Variants in WNT4 observed in about 807,000 individuals in gnomAD.
WNT4 encodes the protein protein Wnt-4.
In WNT4, 16 loss-of-function variants were observed where a neutral mutation model predicts 34.5. The ratio of observed to expected loss-of-function variants is 0.46; its 90% CI spans 0.31 to 0.70. The LOEUF (loss-of-function observed/expected upper bound fraction) is 0.70. WNT4 is among the 30% of genes least tolerant of loss of function. The pLI is 0.04. For missense variants in WNT4, 379 were observed against 495.9 expected (o/e 0.76, Z 2.24); for synonymous variants, 200 against 211.9 (o/e 0.94, Z 0.49).
chr1:22,138,424 G>C (rs1285978873), intron 1 of WNT4, among the ~76,000 whole-genome samples: 1 of 151,756 alleles, frequency 6.6e-6, no homozygotes. Flanking sequence ...GGGGACATTT[G>C]GCAAAGTCTG....
At chr1:22,135,025 A>T (rs1646011591) in intron 1 of WNT4, among the ~76,000 whole-genome samples, 1 of 151,950 alleles carries the variant, frequency 6.6e-6, no homozygotes, top group East Asian at 1.9e-4. Flanking sequence ...GAGTTTGAGG[A>T]TGTGTTTCCT....
At position 22,122,557 on chromosome 1, in the gene WNT4, G is replaced by A. The variant is rs77906948; in HGVS notation, c.314-981C>T. ...TGTGTGAGCTGGAGTATGCATGGCC[G>A]GCTGGGTGTGTGACCAGACAGCAGA... On this transcript the variant is annotated intron_variant, in intron 2 of 4. Coordinates refer to ENST00000290167, the MANE Select transcript of WNT4 (RefSeq NM_030761.5). Among the ~76,000 whole-genome samples the A allele has an allele frequency of 3.4e-4, 52 of 152,252 alleles. 1 individual carries two copies. The East Asian group carries it at 9.1e-3, about 27-fold the overall frequency.
rs1384729988 is a variant in WNT4 at position 22,137,252 on chromosome 1, G to A, written c.77+5594C>T. 1.3e-5 allele frequency among the ~76,000 whole-genome samples: 2 copies of A among 152,198 alleles called. No homozygotes were observed. The highest frequency in any genetic ancestry group is 2.4e-5 in the African/African-American group (1 of 41,462). ...CCAGGACATGGGGGAGGGGGAGCTG[G>A]TGGGGTCACGGCAGGGAGCGAGCCG... On this transcript the variant is annotated intron_variant, in intron 1 of 4. Transcript: ENST00000290167. This position sits in a 1 kb window ranked among gnomAD's most constrained non-coding sequence, Gnocchi z 5.3.
At chr1:22,121,691 A>C in intron 2 of WNT4, 115 bp from the exon 3 acceptor site, 1 of 1,495,950 alleles carries the variant, frequency 6.7e-7, no homozygotes, top group Non-Finnish European at 9.0e-7. Flanking sequence ...AGGAGGGAGC[A>C]AGACAGGCAG....
rs543334392 is a variant in WNT4, at chr1:22,139,894, C to T, written c.77+2952G>A. The stretch of plus-strand genomic sequence containing the variant: ...GGTGGGAGCCGTCACAAGCTGTCAG[C>T]GGGCTCCTCCGGGTGCCAGACGAGA... On this transcript the variant is annotated intron_variant, in intron 1 of 4. Transcript: ENST00000290167. This position sits in a 1 kb window ranked among gnomAD's most constrained non-coding sequence, Gnocchi z 4.6. Among the ~76,000 whole-genome samples the T allele has an allele frequency of 6.5e-4, 99 of 152,328 alleles. No individual in the cohort carries two copies. The highest frequency in any genetic ancestry group is 2.3e-3 in the African/African-American group (97 of 41,572).
intron 1 of WNT4, among the ~76,000 whole-genome samples, chr1:22,133,449 C>T (rs909530347): frequency 2.6e-5 from 4 of 152,170 alleles, no homozygotes; most frequent in African/African-American, 7.2e-5. Flanking sequence ...CCCAGAGACA[C>T]GTGTGCCATC....
chr1:22,132,261 C>A (rs1444079338), intron 1 of WNT4, among the ~76,000 whole-genome samples: 1 of 152,176 alleles, frequency 6.6e-6, no homozygotes, highest in Non-Finnish European at 1.5e-5. Context: ...CAGAGCTGGC[C>A]CATCCCCAAC....
Position 22,139,215 on chromosome 1 carries a change from C to T in WNT4, c.77+3631G>A, listed in dbSNP as rs190576413. On this transcript the variant is annotated intron_variant, in intron 1 of 4. Coordinates refer to ENST00000290167, the MANE Select transcript of WNT4 (RefSeq NM_030761.5). This position sits in a 1 kb window ranked among gnomAD's most constrained non-coding sequence, Gnocchi z 4.6. ...TCTCCACCACCCCTATCAATAGGGA[C>T]GCAGCCCTGCAGCTCCCTGACAGCA... 4.6e-3 allele frequency among the ~76,000 whole-genome samples: 707 copies of T among 152,290 alleles called. 7 individuals are homozygous for T. Among genetic ancestry groups the T allele is most frequent in the South Asian group, 0.012 (60 of 4,824 alleles).
intron 2 of WNT4, among the ~76,000 whole-genome samples, chr1:22,123,392 C>T (rs1037398528): frequency 6.6e-6 from 1 of 152,160 alleles, no homozygotes; most frequent in Middle Eastern, 3.2e-3. Context: ...ATTCATCCAC[C>T]GAGACTCCAG....
chr1:22,122,546 T>C (rs1645908677), intron 2 of WNT4, among the ~76,000 whole-genome samples: 1 of 151,932 alleles, frequency 6.6e-6, no homozygotes, highest in South Asian at 2.1e-4. Flanking sequence ...TGAGCTGGAG[T>C]ATGCATGGCC....
intron 1 of WNT4, among the ~76,000 whole-genome samples, chr1:22,138,463 A>G (rs576063118): frequency 6.6e-6 from 1 of 151,356 alleles, no homozygotes; most frequent in African/African-American, 2.4e-5. Flanking sequence ...GCTTGGGGGG[A>G]TGTTACTGGC....
chr1:22,139,533 G>C lies in WNT4; in HGVS notation c.77+3313C>G, dbSNP rs1236304298. Reference sequence around the variant, plus strand: ...GTGGTCCCCCTCCCCTCACCCGTGGGATTCTGCTAGAACCCCGCTACCCCA... The same window carrying C: ...GTGGTCCCCCTCCCCTCACCCGTGGCATTCTGCTAGAACCCCGCTACCCCA... On this transcript the variant is annotated intron_variant, in intron 1 of 4. Coordinates refer to ENST00000290167, the MANE Select transcript of WNT4 (RefSeq NM_030761.5). This position sits in a 1 kb window ranked among gnomAD's most constrained non-coding sequence, Gnocchi z 4.6. Among the ~76,000 whole-genome samples, 1 of 152,126 alleles carries C rather than the reference G, an allele frequency of 6.6e-6. No individual in the cohort carries two copies. Among genetic ancestry groups the C allele is most frequent in the Non-Finnish European group, 1.5e-5 (1 of 67,990 alleles).
At chr1:22,123,994 C>T (rs2235529) in intron 2 of WNT4, among the ~76,000 whole-genome samples, 21,441 of 152,286 alleles carry the variant, frequency 0.14, 2,302 homozygotes, top group East Asian at 0.5. Context: ...CTCCTCCAGC[C>T]TTCTCTACCT....
At chr1:22,135,366 C>T (rs1360701118) in intron 1 of WNT4, among the ~76,000 whole-genome samples, 1 of 152,254 alleles carries the variant, frequency 6.6e-6, no homozygotes, top group Non-Finnish European at 1.5e-5. Flanking sequence ...TGAGCCCATG[C>T]AGCCTGCAGT....
Position 22,120,174 on chromosome 1 carries a change from C to T in WNT4, c.932G>A (p.Cys311Tyr). ...CTGCGCCGTGTGGAAGCCGCGGCCACAGCACAGCAGCTCACAGCCGTCGAT... is the reference window on the plus strand; with the variant it reads ...CTGCGCCGTGTGGAAGCCGCGGCCATAGCACAGCAGCTCACAGCCGTCGAT... ...KAIDGCELLCCGRGFHTAQVE... is the reference protein window; with the variant it reads ...KAIDGCELLCYGRGFHTAQVE... The change falls in exon 5 of 5, where the codon TGT becomes TAT. Residue 311 changes from cysteine (C) to tyrosine (Y), a missense_variant. Physicochemically the swap from Cys to Tyr is radical, Grantham distance 194 (BLOSUM62 -2). Around this residue, in one of 2 missense-constraint regions of WNT4, gnomAD observed 313 missense variants for 445.8 expected, o/e 0.70. Coordinates refer to ENST00000290167, the MANE Select transcript of WNT4 (RefSeq NM_030761.5). 1 of 1,613,736 alleles carries T rather than the reference C, an allele frequency of 6.2e-7. No homozygotes were observed. Among genetic ancestry groups the T allele is most frequent in the Non-Finnish European group, 8.5e-7 (1 of 1,179,952 alleles).
intron 2 of WNT4, among the ~76,000 whole-genome samples, chr1:22,122,282 T>C (rs979203555): frequency 2.0e-5 from 3 of 152,296 alleles, no homozygotes; most frequent in South Asian, 4.2e-4. Flanking sequence ...GGGGGCTTCA[T>C]TGTCCCCCAT....
rs146787587 is a variant in WNT4, at chr1:22,137,145, G to A, written c.77+5701C>T. Among the ~76,000 whole-genome samples, 492 of 152,150 alleles carry A rather than the reference G, an allele frequency of 3.2e-3. 4 individuals carry two copies. Among genetic ancestry groups the A allele is most frequent in the South Asian group, 0.023 (112 of 4,810 alleles). ...CCCTTCCTCCTCCCACCTCCCTCCC[G>A]CTCTCTCCTCAGACCAGGTCCCCTC... On this transcript the variant is annotated intron_variant, in intron 1 of 4. Transcript: ENST00000290167. The surrounding 1 kb of genome is among the most constrained non-coding windows in gnomAD (Gnocchi z 5.3).
chr1:22,127,250 C>G (rs1184836421), intron 2 of WNT4: 1 of 501,672 alleles, frequency 2.0e-6, no homozygotes. Flanking sequence ...AGGTACCACC[C>G]AGGCCTAGTA....
chr1:22,141,150 C>T (rs1646063004), intron 1 of WNT4, among the ~76,000 whole-genome samples: 1 of 152,220 alleles, frequency 6.6e-6, no homozygotes, highest in Admixed American at 6.5e-5. Flanking sequence ...CTCCCTAGGC[C>T]TCAGTTTCCT....
Sources: gnomAD v4.1 joint callset for allele counts (sites outside exome capture counted in the v4.1 genomes callset) on GRCh38, gnomAD v4.1.1 for gene constraint, gnomAD v4.1.1 regional missense constraint, Gnocchi (gnomAD v3.1) non-coding constraint, MANE v1.5 for transcripts, NCBI Gene and HGNC (gene_info 2026-07-23, HGNC 2026-07-21) for gene names.